Variants in EIF4G3 observed in about 807,000 individuals in gnomAD.
The protein encoded by EIF4G3 is eukaryotic translation initiation factor 4 gamma 3, also known as eIF-4-gamma 3.
Under a neutral mutation model 186.4 loss-of-function variants are expected in EIF4G3, and 34 were observed. That is an observed-to-expected ratio of 0.18 (90% CI 0.14 to 0.24). The LOEUF (loss-of-function observed/expected upper bound fraction) is 0.24. Ranked by LOEUF, EIF4G3 falls within the 10% of genes least tolerant of loss-of-function variation. The probability of loss-of-function intolerance (pLI) is 1.00; values close to 1 mark genes in which losing one functional copy is unlikely to be tolerated. For synonymous variants in EIF4G3, 673 were observed against 679.5 expected, an observed-to-expected ratio of 0.99 and a Z score of 0.15; for missense variants, 1,536 against 1,948.5, an observed-to-expected ratio of 0.79 and a Z score of 3.99.
At chr1:21,064,010 G>A (rs1471549728) in intron 3 of EIF4G3, among the ~76,000 whole-genome samples, 1 of 151,776 alleles carries the variant, frequency 6.6e-6, no homozygotes, top group African/African-American at 2.4e-5. Flanking sequence ...TTACAGGCAT[G>A]AGCCACCATG....
chr1:21,082,871 T>C (rs890658816), intron 3 of EIF4G3, among the ~76,000 whole-genome samples: 1 of 151,134 alleles, frequency 6.6e-6, no homozygotes, highest in Non-Finnish European at 1.5e-5. Context: ...ACCCCGTTTC[T>C]ACTAAAAATA....
At chr1:21,118,785 C>CAAA (rs796933675) in intron 2 of EIF4G3, among the ~76,000 whole-genome samples, 1 of 86,288 alleles carries the variant, frequency 1.2e-5, no homozygotes, top group Non-Finnish European at 2.4e-5. Flanking sequence ...GACTACATCT[C>CAAA]AAAAAAAAAA....
chr1:21,167,791 C>G (rs12724447), intron 2 of EIF4G3, among the ~76,000 whole-genome samples: 4,187 of 152,056 alleles, frequency 0.028, 88 homozygotes, highest in Non-Finnish European at 0.038. Flanking sequence ...TGGCTCCCAG[C>G]CTTTTTTAAA....
chr1:20,822,321 G>T (rs1301295042), intron 33 of EIF4G3, among the ~76,000 whole-genome samples: 1 of 142,966 alleles, frequency 7.0e-6, no homozygotes, highest in Admixed American at 7.0e-5. Flanking sequence ...AATCTGGCTA[G>T]AGGTTTATCA....
intron 14 of EIF4G3, among the ~76,000 whole-genome samples, chr1:20,923,076 A>G (rs2154560136): frequency 6.6e-6 from 1 of 152,234 alleles, no homozygotes; most frequent in Non-Finnish European, 1.5e-5. Flanking sequence ...TGAAACACAG[A>G]TCTAACTTCA....
chr1:20,828,659 C>A (rs1274398853), intron 31 of EIF4G3, among the ~76,000 whole-genome samples: 1 of 152,174 alleles, frequency 6.6e-6, no homozygotes, highest in African/African-American at 2.4e-5. Context: ...TTGGGAACCA[C>A]CGGTCTATAT....
chr1:21,175,873 G>C (rs548299360), intron 2 of EIF4G3: 1 of 166,196 alleles, frequency 6.0e-6, no homozygotes, highest in African/African-American at 2.4e-5. Flanking sequence ...GCCCAATAAA[G>C]GGGGGGAGGG....
At chr1:21,109,431 G>A (rs1174319371) in intron 2 of EIF4G3, among the ~76,000 whole-genome samples, 1 of 152,162 alleles carries the variant, frequency 6.6e-6, no homozygotes, top group African/African-American at 2.4e-5. Context: ...GATCGCTTGA[G>A]CCCAGGAGTT....
intron 13 of EIF4G3, among the ~76,000 whole-genome samples, chr1:20,948,007 G>C (rs1471950843): frequency 6.6e-6 from 1 of 152,102 alleles, no homozygotes; most frequent in African/African-American, 2.4e-5. Context: ...AGGAAGGACA[G>C]AACTATCATC....
At chr1:21,094,884 G>A (rs180917826) in intron 2 of EIF4G3, among the ~76,000 whole-genome samples, 6 of 152,050 alleles carry the variant, frequency 3.9e-5, no homozygotes, top group African/African-American at 1.4e-4. Context: ...GCACAGTGGT[G>A]CATACCTGTA....
chr1:20,889,339 T>C (rs1381020177), intron 18 of EIF4G3, among the ~76,000 whole-genome samples: 1 of 152,164 alleles, frequency 6.6e-6, no homozygotes, highest in Non-Finnish European at 1.5e-5. Context: ...GCTGCTAGGA[T>C]TTTTATGATT....
At chr1:20,877,404 G>A (rs1269687031) in intron 20 of EIF4G3, among the ~76,000 whole-genome samples, 1 of 152,166 alleles carries the variant, frequency 6.6e-6, no homozygotes, top group Admixed American at 6.5e-5. Flanking sequence ...ATCACCCTGA[G>A]AAGTTATTTT....
rs146620104 is a variant in EIF4G3 at position 21,082,406 on chromosome 1, G to A, written c.-196+6732C>T. On this transcript the variant is annotated intron_variant, in intron 3 of 36. Coordinates refer to ENST00000602326, the MANE Select transcript of EIF4G3 (RefSeq NM_001391906.1). ...TCAAGACCAGCAAGGCCAACATGGC[G>A]AAACTCCTTCTCTACTAAAAAATAC... Among the ~76,000 whole-genome samples, 707 of 151,892 alleles carry A rather than the reference G, an allele frequency of 4.7e-3. 6 individuals are homozygous for A. Among genetic ancestry groups the A allele is most frequent in the African/African-American group, 0.016 (674 of 41,404 alleles).
In EIF4G3 at chr1:21,064,438, T is replaced by C. The variant is rs529998198; in HGVS notation, c.-195-13444A>G. 3 of 152,318 alleles carry C rather than the reference T, an allele frequency of 2.0e-5. No individual in the cohort carries two copies. In the East Asian group the frequency reaches 5.8e-4, roughly 29 times the overall value. The allele number at this position is 152,318 out of a possible 1,614,324, so 9.4% of individuals were successfully genotyped here. A position where few individuals can be genotyped will look rare whatever the true frequency, so the allele number is the denominator to read the frequency against. On this transcript the variant is annotated intron_variant, in intron 3 of 36. Transcript: ENST00000602326. The stretch of plus-strand genomic sequence containing the variant: ...AATTCAACCAAATCTTACTATTATA[T>C]GGCTATTTGAGGGTAAAATTATTTA...
chr1:21,037,511 T>C (rs1335606403), intron 4 of EIF4G3, among the ~76,000 whole-genome samples: 1 of 152,176 alleles, frequency 6.6e-6, no homozygotes, highest in Admixed American at 6.5e-5. Context: ...AAGAGTCAAT[T>C]ACATAGTACC....
chr1:20,962,657 C>G (rs1413995409), intron 12 of EIF4G3, among the ~76,000 whole-genome samples: 11 of 152,040 alleles, frequency 7.2e-5, no homozygotes, highest in Admixed American at 7.2e-4. Context: ...AGGTTTATGG[C>G]AATGCACTAA....
Position 21,004,606 on chromosome 1 carries a change from C to T in EIF4G3, c.-66-1798G>A, listed in dbSNP as rs143975607. ...ATCACCTTTATTTATCACTATCCCA[C>T]GTCTATGAATGAGGAAACCAAGGAC... On this transcript the variant is annotated intron_variant, in intron 4 of 36. Transcript: ENST00000602326. Among the ~76,000 whole-genome samples the T allele has an allele frequency of 4.5e-4, 68 of 152,220 alleles. No homozygotes were observed. The East Asian group carries it at 7.0e-3, about 16-fold the overall frequency.
Position 21,176,257 on chromosome 1 carries a change from C to T in EIF4G3, c.-354G>A, listed in dbSNP as rs2098104293. 1 of 380,392 alleles carries T rather than the reference C, an allele frequency of 2.6e-6. No homozygotes were observed. Among genetic ancestry groups the T allele is most frequent in the Non-Finnish European group, 4.6e-6 (1 of 219,632 alleles). 23.6% of individuals were successfully genotyped at this position (380,392 alleles called of 1,614,324 possible). On this transcript the variant is annotated 5_prime_UTR_variant, in exon 2 of 37. Coordinates refer to ENST00000602326, the MANE Select transcript of EIF4G3 (RefSeq NM_001391906.1). ...GCCGCCGCCGCCGCCGCCGCCGCCG[C>T]CGCCGCCGCTGCTGCCGCCGCCGGG... is the stretch of plus-strand genomic sequence containing the variant.
intron 4 of EIF4G3, among the ~76,000 whole-genome samples, chr1:21,012,498 C>A (rs77412995): frequency 1.3e-5 from 2 of 152,310 alleles, no homozygotes; most frequent in East Asian, 3.9e-4. Flanking sequence ...ACCAAGATAA[C>A]AGACTACGAT....
Sources: gnomAD v4.1 joint callset for allele counts (sites outside exome capture counted in the v4.1 genomes callset) on GRCh38, gnomAD v4.1.1 for gene constraint, MANE v1.5 for transcripts, NCBI Gene and HGNC (gene_info 2026-07-23, HGNC 2026-07-21) for gene names.